ANXA8: variants seen among roughly 807,000 people sequenced by gnomAD.
The protein encoded by ANXA8 is annexin A8.
A neutral mutation model predicts 26.8 loss-of-function variants in ANXA8; 9 were observed. That is an observed-to-expected ratio of 0.34 (90% CI 0.20 to 0.59). The LOEUF (loss-of-function observed/expected upper bound fraction) is 0.59, where lower values mean the gene tolerates loss of function less well. Ranked by LOEUF, ANXA8 falls within the 20% of genes least tolerant of loss-of-function variation. The pLI is 0.84. For synonymous variants in ANXA8, 39 were observed against 94.8 expected, an observed-to-expected ratio of 0.41 and a Z score of 3.42; for missense variants, 83 against 238.5, an observed-to-expected ratio of 0.35 and a Z score of 4.29.
At chr10:47,755,260 CTTT>C in the ANXA8 span, among the ~76,000 whole-genome samples, 1 of 140,184 alleles carries the variant, frequency 7.1e-6, no homozygotes, top group Non-Finnish European at 1.6e-5. Flanking sequence ...CAGCCAACCT[CTTT>C]TTTTTTTTTT....
the ANXA8 span, among the ~76,000 whole-genome samples, chr10:47,951,000 TAAAG>T: frequency 1.3e-5 from 2 of 150,542 alleles, no homozygotes; most frequent in Non-Finnish European, 1.5e-5. Flanking sequence ...AAAGGAATAA[TAAAG>T]AAAGTCAATA....
the ANXA8 span, among the ~76,000 whole-genome samples, chr10:47,735,018 T>TAAAAAA: frequency 8.7e-6 from 1 of 115,124 alleles, no homozygotes; most frequent in African/African-American, 3.5e-5. Flanking sequence ...AGACTCTGTT[T>TAAAAAA]AAAAAAAAAA....
At chr10:47,777,038 C>A in the ANXA8 span, among the ~76,000 whole-genome samples, 9 of 152,020 alleles carry the variant, frequency 5.9e-5, no homozygotes, top group Admixed American at 3.3e-4. Flanking sequence ...TGGTCAGTTA[C>A]TTGGCCAAAT....
chr10:47,571,877 A>G, the ANXA8 span, among the ~76,000 whole-genome samples: 2 of 147,924 alleles, frequency 1.4e-5, no homozygotes, highest in Non-Finnish European at 3.0e-5. Context: ...GAATCAAGCA[A>G]TCTTCCCACC....
chr10:47,597,058 A>G, the ANXA8 span, among the ~76,000 whole-genome samples: 1 of 149,220 alleles, frequency 6.7e-6, no homozygotes, highest in African/African-American at 2.6e-5. Context: ...AGATAATACA[A>G]TATCAAGTGA....
chr10:47,650,044 C>G, the ANXA8 span, among the ~76,000 whole-genome samples: 6 of 149,750 alleles, frequency 4.0e-5, no homozygotes. Flanking sequence ...CCCCTCTCTA[C>G]TACAAATACA....
the ANXA8 span, chr10:47,565,011 C>G: frequency 4.5e-6 from 4 of 891,036 alleles, no homozygotes; most frequent in Non-Finnish European, 7.6e-6. Context: ...GCCGGCATCT[C>G]CTGCTGTGCC....
chr10:47,988,499 A>C, the ANXA8 span, among the ~76,000 whole-genome samples: 3 of 113,310 alleles, frequency 2.6e-5, no homozygotes, highest in Non-Finnish European at 5.9e-5. Context: ...ATGTGCCCGG[A>C]TCTGGCCTTG....
chr10:47,599,975 G>A, the ANXA8 span: 1 of 149,646 alleles, frequency 6.7e-6, no homozygotes, highest in East Asian at 1.9e-4. Context: ...ACAGATTATG[G>A]TATAATTTGA....
At chr10:47,970,314 G>T in the ANXA8 span, 2 of 151,434 alleles carry the variant, frequency 1.3e-5, no homozygotes, top group African/African-American at 4.8e-5. Flanking sequence ...GCTCACTGGA[G>T]ACTCCAGAAT....
At chr10:47,733,187 TTC>T in the ANXA8 span, among the ~76,000 whole-genome samples, 11 of 94,306 alleles carry the variant, frequency 1.2e-4, no homozygotes, top group African/African-American at 2.3e-4. Context: ...CTTTCTTTCT[TTC>T]TTTCTTTCTT....
At chr10:47,669,820 A>G in the ANXA8 span, among the ~76,000 whole-genome samples, 4 of 152,114 alleles carry the variant, frequency 2.6e-5, no homozygotes, top group Non-Finnish European at 5.9e-5. Context: ...TTTACCCAGA[A>G]CTTATTTCTA....
the ANXA8 span, chr10:47,760,638 T>C: frequency 4.0e-6 from 3 of 754,320 alleles, no homozygotes; most frequent in Non-Finnish European, 6.2e-6. Context: ...AAGCACTTCA[T>C]AAATGAAAGC....
the ANXA8 span, among the ~76,000 whole-genome samples, chr10:47,945,097 C>T: frequency 1.3e-5 from 2 of 150,518 alleles, no homozygotes; most frequent in African/African-American, 4.9e-5. Context: ...TCTTGCTGAC[C>T]CCCAAGACTG....
the ANXA8 span, among the ~76,000 whole-genome samples, chr10:47,737,579 T>C: frequency 6.6e-6 from 1 of 152,052 alleles, no homozygotes; most frequent in African/African-American, 2.4e-5. Context: ...TTACATCTGA[T>C]AGGAAAAGTA....
the ANXA8 span, among the ~76,000 whole-genome samples, chr10:47,688,403 C>T: frequency 6.7e-6 from 1 of 149,842 alleles, no homozygotes; most frequent in Non-Finnish European, 1.5e-5. Context: ...GTGTGAGCCA[C>T]CATGGCTGGC....
the ANXA8 span, among the ~76,000 whole-genome samples, chr10:47,775,705 T>C: frequency 7.5e-6 from 1 of 133,854 alleles, no homozygotes; most frequent in African/African-American, 2.8e-5. Flanking sequence ...ACAATAATTC[T>C]GTGTAGGCAT....
At chr10:47,686,419 C>T in the ANXA8 span, among the ~76,000 whole-genome samples, 1 of 151,554 alleles carries the variant, frequency 6.6e-6, no homozygotes, top group Non-Finnish European at 1.5e-5. Context: ...ACCATGTTGC[C>T]TAGGCTAGGC....
intron 11 of ANXA8, among the ~76,000 whole-genome samples, chr10:47,471,017 CT>C (rs1224280811): frequency 1.7e-5 from 1 of 59,136 alleles, no homozygotes; most frequent in African/African-American, 7.1e-5. Context: ...GTGAAACCAA[CT>C]TTCTGAGTGG....
Sources: allele counts gnomAD v4.1 joint callset (sites outside exome capture counted in the v4.1 genomes callset), GRCh38; gene constraint gnomAD v4.1.1; transcripts MANE v1.5; gene names NCBI Gene and HGNC (gene_info 2026-07-23, HGNC 2026-07-21).